USP49: variants seen among roughly 807,000 people sequenced by gnomAD.
USP49 encodes the protein ubiquitin carboxyl-terminal hydrolase 49.
Under a neutral mutation model 58.6 loss-of-function variants are expected in USP49, and 24 were observed. That is an observed-to-expected ratio of 0.41 (90% CI 0.30 to 0.58). USP49 has a LOEUF of 0.58. Among genes scored for constraint, USP49 ranks in the 20% least tolerant of loss-of-function variants. USP49 has a pLI of 0.30. For synonymous variants in USP49, 408 were observed against 365.1 expected, an observed-to-expected ratio of 1.12 and a Z score of -1.34; for missense variants, 703 against 866.1, an observed-to-expected ratio of 0.81 and a Z score of 2.36.
At position 41,804,017 on chromosome 6, in the gene USP49, T is replaced by G; in HGVS notation, c.1357-7A>C. ...TGCATGATATACATGTGACCTAGAA[T>G]GAAAAGATTGATTTACAGATTATAT... On this transcript the variant is annotated splice_region_variant and splice_polypyrimidine_tract_variant and intron_variant, in intron 4 of 7. Coordinates refer to ENST00000682992, the MANE Select transcript of USP49 (RefSeq NM_001286554.2). The G allele has an allele frequency of 6.2e-7, 1 of 1,612,422 alleles. No individual in the cohort carries two copies. Among genetic ancestry groups the G allele is most frequent in the Non-Finnish European group, 8.5e-7 (1 of 1,179,016 alleles).
chr6:41,805,360 T>C (rs1773090820), intron 4 of USP49, among the ~76,000 whole-genome samples: 2 of 151,688 alleles, frequency 1.3e-5, no homozygotes, highest in South Asian at 4.1e-4. Context: ...ATATTACCCC[T>C]ATCTTCAATA....
chr6:41,813,904 T>G (rs1179915011), intron 3 of USP49, among the ~76,000 whole-genome samples: 1 of 152,218 alleles, frequency 6.6e-6, no homozygotes, highest in Admixed American at 6.5e-5. Flanking sequence ...AAGATGTGTT[T>G]AAGTCACCTC....
At chr6:41,814,637 T>C (rs1307820531) in intron 3 of USP49, among the ~76,000 whole-genome samples, 1 of 145,314 alleles carries the variant, frequency 6.9e-6, no homozygotes, top group Non-Finnish European at 1.5e-5. Context: ...AAAAACAAAA[T>C]AGGGGGAAAA....
intron 3 of USP49, among the ~76,000 whole-genome samples, chr6:41,870,204 T>C (rs1774390441): frequency 6.6e-6 from 1 of 152,246 alleles, no homozygotes; most frequent in Non-Finnish European, 1.5e-5. Context: ...AAGTTTTTTA[T>C]ATGGATTAAC....
Position 41,805,617 on chromosome 6 carries a change from C to T in USP49, c.1356+11G>A. ...ACAAGCCTCTCATTGTCATGGTAGGCACACACATACCTGACTGAGCAGCTG... is the reference window on the plus strand; with the variant it reads ...ACAAGCCTCTCATTGTCATGGTAGGTACACACATACCTGACTGAGCAGCTG... On this transcript the variant is annotated intron_variant, in intron 4 of 7. Coordinates refer to ENST00000682992, the MANE Select transcript of USP49 (RefSeq NM_001286554.2). The T allele has an allele frequency of 2.5e-6, 4 of 1,601,456 alleles. No individual in the cohort carries two copies. The highest frequency in any genetic ancestry group is 1.1e-5 in the South Asian group (1 of 90,402).
At chr6:41,810,390 T>TGAGGCA (rs1442969464) in intron 3 of USP49, among the ~76,000 whole-genome samples, 24 of 149,784 alleles carry the variant, frequency 1.6e-4, no homozygotes, top group African/African-American at 5.3e-4. Flanking sequence ...TTCGGGAAGC[T>TGAGGCA]GAGGCAGAAG....
intron 3 of USP49, chr6:41,832,747 G>A (rs1315573575): frequency 6.6e-6 from 1 of 152,168 alleles, no homozygotes; most frequent in Non-Finnish European, 1.5e-5. Context: ...TGCTTTAGGT[G>A]TAGAAATCAG....
intron 3 of USP49, among the ~76,000 whole-genome samples, chr6:41,818,847 T>G (rs1773404153): frequency 6.6e-6 from 1 of 152,190 alleles, no homozygotes; most frequent in African/African-American, 2.4e-5. Context: ...CATTATACTC[T>G]GTCTTTAGCC....
At chr6:41,842,290 T>A (rs1773841003) in intron 3 of USP49, among the ~76,000 whole-genome samples, 4 of 151,650 alleles carry the variant, frequency 2.6e-5, no homozygotes, top group Admixed American at 2.6e-4. Context: ...GGAGAATCAC[T>A]TGAACCCAGG....
chr6:41,837,021 T>C (rs1773740792), intron 3 of USP49, among the ~76,000 whole-genome samples: 1 of 152,200 alleles, frequency 6.6e-6, no homozygotes. Context: ...ATTGTTTAAA[T>C]GGTCATACTG....
chr6:41,861,541 A>T (rs1774222883), intron 3 of USP49, among the ~76,000 whole-genome samples: 1 of 152,150 alleles, frequency 6.6e-6, no homozygotes. Context: ...CCCTAGAGGT[A>T]ACTACTGTTA....
At chr6:41,843,991 C>A (rs1347030069) in intron 3 of USP49, among the ~76,000 whole-genome samples, 5 of 152,146 alleles carry the variant, frequency 3.3e-5, no homozygotes, top group Non-Finnish European at 5.9e-5. Flanking sequence ...TGGCAGTGAG[C>A]CAAGATTGCA....
At chr6:41,855,238 G>A (rs1402326510) in intron 3 of USP49, among the ~76,000 whole-genome samples, 2 of 151,536 alleles carry the variant, frequency 1.3e-5, no homozygotes, top group African/African-American at 4.8e-5. Context: ...TTATTGGCCA[G>A]GCACGGTGGC....
rs116146047 is a variant in USP49, at chr6:41,860,506, A to G, written c.-29+11058T>C. On this transcript the variant is annotated intron_variant, in intron 3 of 7. Transcript: ENST00000682992. ...TTATTGTAGTTTTTATTATTTGTTT[A>G]TTTATTTATTTATTTATTTTGAGAT... Among the ~76,000 whole-genome samples the G allele has an allele frequency of 3.9e-3, 594 of 151,796 alleles. 7 individuals carry two copies. The highest frequency in any genetic ancestry group is 0.014 in the African/African-American group (565 of 41,456).
At chr6:41,831,044 G>A (rs530576151) in intron 3 of USP49, among the ~76,000 whole-genome samples, 14 of 151,490 alleles carry the variant, frequency 9.2e-5, no homozygotes, top group Admixed American at 6.6e-4. Context: ...ATCACCTGAG[G>A]TCAGGAGTTC....
At chr6:41,887,136 T>C (rs995244807) in intron 2 of USP49, 4 of 152,190 alleles carry the variant, frequency 2.6e-5, no homozygotes, top group African/African-American at 4.8e-5. Flanking sequence ...GACACCAATG[T>C]GACAAAATGC....
At chr6:41,838,436 T>G (rs572581897) in intron 3 of USP49, among the ~76,000 whole-genome samples, 1 of 152,322 alleles carries the variant, frequency 6.6e-6, no homozygotes. Context: ...AAGAGGAATC[T>G]ATCACAGGAC....
chr6:41,888,504 A>C (rs1233641599), intron 2 of USP49, among the ~76,000 whole-genome samples: 1 of 152,138 alleles, frequency 6.6e-6, no homozygotes, highest in Non-Finnish European at 1.5e-5. Flanking sequence ...CCCAGGCTGG[A>C]GTACAACAGC....
At chr6:41,821,333 T>C (rs552609420) in intron 3 of USP49, among the ~76,000 whole-genome samples, 101 of 152,310 alleles carry the variant, frequency 6.6e-4, no homozygotes, top group African/African-American at 2.4e-3. Flanking sequence ...AGTAACCTCA[T>C]CAGATTTTTA....
Sources: allele counts gnomAD v4.1 joint callset (sites outside exome capture counted in the v4.1 genomes callset), GRCh38; gene constraint gnomAD v4.1.1; transcripts MANE v1.5; gene names NCBI Gene and HGNC (gene_info 2026-07-23, HGNC 2026-07-21).